PRELID2: variants seen among roughly 807,000 people sequenced by gnomAD.
The protein encoded by PRELID2 is PRELI domain containing 2.
Under a neutral mutation model 28.4 loss-of-function variants are expected in PRELID2, and 25 were observed. The ratio of observed to expected loss-of-function variants is 0.88; its 90% CI spans 0.64 to 1.23. The LOEUF (loss-of-function observed/expected upper bound fraction) is 1.23. Ranked by LOEUF, PRELID2 falls within the 50% of genes most tolerant of loss-of-function variation. The pLI is 0.00. For missense variants in PRELID2, 201 were observed against 214.4 expected (o/e 0.94, Z 0.39); for synonymous variants, 76 against 71.6 (o/e 1.06, Z -0.31).
In PRELID2 at chr5:145,613,278, C is replaced by CT. The variant is rs1158117115; in HGVS notation, n.71-139964dup. On this transcript the variant is annotated intron_variant and non_coding_transcript_variant, in intron 1 of 2. Transcript: ENST00000510259. ...TGTTTGCTGGCTATTTGTATATCTT[C>CT]TTTTTTTATTTTTATTTATTTATTT... Among the ~76,000 whole-genome samples the CT allele has an allele frequency of 1.1e-4, 16 of 151,930 alleles. No individual in the cohort carries two copies. In the South Asian group the frequency reaches 3.3e-3, roughly 32 times the overall value.
In PRELID2 at chr5:145,641,920, G is replaced by A. The variant is rs555879557; in HGVS notation, n.70+123011C>T. 2.6e-5 allele frequency among the ~76,000 whole-genome samples: 4 copies of A among 152,318 alleles called. No homozygotes were observed. In the South Asian group the frequency reaches 8.3e-4, roughly 32 times the overall value. On this transcript the variant is annotated intron_variant and non_coding_transcript_variant, in intron 1 of 2. Coordinates refer to the PRELID2 transcript ENST00000510259. The stretch of plus-strand genomic sequence containing the variant: ...TTCTTTATCCAATCTATCCTTGATG[G>A]ACATTTGGGTTGGTTCCAAGTCTTT...
chr5:145,636,924 T>A (rs980955746), intron 1 of PRELID2, among the ~76,000 whole-genome samples: 1 of 152,160 alleles, frequency 6.6e-6, no homozygotes, highest in African/African-American at 2.4e-5. Context: ...TCCAGGCTAT[T>A]TCCACTATTT....
intron 1 of PRELID2, among the ~76,000 whole-genome samples, chr5:145,741,506 T>G (rs1159975081): frequency 8.1e-6 from 1 of 123,692 alleles, no homozygotes; most frequent in African/African-American, 3.3e-5. Flanking sequence ...ATATAAAATT[T>G]ATTTATAAAT....
the PRELID2 span, among the ~76,000 whole-genome samples, chr5:145,258,280 A>G: frequency 1.1e-4 from 16 of 152,232 alleles, no homozygotes; most frequent in African/African-American, 3.9e-4. Flanking sequence ...TGTGAAAGCA[A>G]CTTTGGAACT....
At chr5:145,795,091 T>C (rs1284362749) in intron 5 of PRELID2, 1 of 152,148 alleles carries the variant, frequency 6.6e-6, no homozygotes, top group Non-Finnish European at 1.5e-5. Context: ...AAATTCAATT[T>C]ATTATTACTA....
At chr5:145,829,523 A>G (rs932695980) in intron 1 of PRELID2, among the ~76,000 whole-genome samples, 15 of 152,196 alleles carry the variant, frequency 9.9e-5, no homozygotes, top group African/African-American at 3.6e-4. Context: ...AGCATTATCC[A>G]ATTTAATTTC....
At chr5:145,702,052 GA>G (rs113433671) in intron 1 of PRELID2, among the ~76,000 whole-genome samples, 16 of 147,906 alleles carry the variant, frequency 1.1e-4, no homozygotes, top group African/African-American at 3.2e-4. Flanking sequence ...TCTGTCTCAG[GA>G]AAAAAAAAAA....
chr5:145,465,176 C>T, the PRELID2 span, among the ~76,000 whole-genome samples: 1 of 151,982 alleles, frequency 6.6e-6, no homozygotes, highest in Non-Finnish European at 1.5e-5. Context: ...TGTAGTTTTC[C>T]ACCTTCTGAT....
the PRELID2 span, among the ~76,000 whole-genome samples, chr5:145,307,237 T>C: frequency 6.6e-6 from 1 of 152,170 alleles, no homozygotes; most frequent in Admixed American, 6.6e-5. Flanking sequence ...CAGTCATGGA[T>C]ACTGGAGCCT....
At chr5:145,297,533 G>C in the PRELID2 span, among the ~76,000 whole-genome samples, 1 of 152,098 alleles carries the variant, frequency 6.6e-6, no homozygotes, top group South Asian at 2.1e-4. Context: ...CAAAAAACTG[G>C]AAGCATTCCC....
At chr5:145,721,206 T>C (rs1317598795) in intron 1 of PRELID2, among the ~76,000 whole-genome samples, 3 of 152,110 alleles carry the variant, frequency 2.0e-5, no homozygotes, top group Non-Finnish European at 4.4e-5. Context: ...TGGAAAACTT[T>C]CACACGCATT....
intron 1 of PRELID2, among the ~76,000 whole-genome samples, chr5:145,637,805 C>T (rs1221886744): frequency 6.8e-6 from 1 of 148,042 alleles, no homozygotes; most frequent in African/African-American, 2.6e-5. Flanking sequence ...AAACACAAAA[C>T]CATTCTTTTT....
chr5:145,703,704 A>G (rs1165406909), intron 1 of PRELID2, among the ~76,000 whole-genome samples: 4 of 152,202 alleles, frequency 2.6e-5, no homozygotes, highest in African/African-American at 9.6e-5. Context: ...TATAGAAAAG[A>G]GAGATGTTCA....
the PRELID2 span, among the ~76,000 whole-genome samples, chr5:145,419,759 CT>C: frequency 2.6e-5 from 4 of 152,058 alleles, no homozygotes; most frequent in African/African-American, 9.7e-5. Flanking sequence ...TCAATTTTGT[CT>C]TTTGTTACCA....
chr5:145,568,298 C>T (rs917028189), intron 1 of PRELID2, among the ~76,000 whole-genome samples: 3 of 152,166 alleles, frequency 2.0e-5, no homozygotes, highest in Non-Finnish European at 2.9e-5. Context: ...CAATCTCCCC[C>T]GGCAGATGTT....
chr5:145,504,460 T>C (rs1752389005), intron 1 of PRELID2, among the ~76,000 whole-genome samples: 1 of 152,192 alleles, frequency 6.6e-6, no homozygotes, highest in African/African-American at 2.4e-5. Flanking sequence ...CACATAACAT[T>C]TTCTAGAAAC....
chr5:145,516,842 C>T (rs1026996284), intron 1 of PRELID2, among the ~76,000 whole-genome samples: 4 of 152,206 alleles, frequency 2.6e-5, no homozygotes, highest in African/African-American at 9.6e-5. Context: ...CACACATCTA[C>T]ACCCATCTGA....
At chr5:145,245,156 G>A in the PRELID2 span, among the ~76,000 whole-genome samples, 1 of 152,008 alleles carries the variant, frequency 6.6e-6, no homozygotes, top group Non-Finnish European at 1.5e-5. Context: ...AATATGTCCT[G>A]TAATTAAGAA....
intron 1 of PRELID2, among the ~76,000 whole-genome samples, chr5:145,487,110 A>T (rs1324422695): frequency 3.4e-5 from 3 of 88,672 alleles, no homozygotes; most frequent in African/African-American, 4.4e-5. Context: ...GGGAGGGGGG[A>T]GGGATAGCAC....
Sources: allele counts gnomAD v4.1 joint callset (sites outside exome capture counted in the v4.1 genomes callset), GRCh38; gene constraint gnomAD v4.1.1; transcripts MANE v1.5; gene names NCBI Gene and HGNC (gene_info 2026-07-23, HGNC 2026-07-21).